The following SLC9B1 variants were observed in gnomAD, a reference collection of about 807,000 sequenced individuals.
SLC9B1 encodes the protein solute carrier family 9 member B1.
SLC9B1 carries 32 observed loss-of-function variants against 51.7 expected under a neutral mutation model. The observed-to-expected ratio is 0.62, with a 90% confidence interval of 0.47 to 0.83. The LOEUF is 0.83. SLC9B1 is among the 40% of genes least tolerant of loss of function. The pLI, the probability that SLC9B1 is intolerant of heterozygous loss-of-function variation, is 0.00. For missense variants in SLC9B1, 406 were observed against 613.2 expected, an observed-to-expected ratio of 0.66 and a Z score of 3.57; for synonymous variants, 145 against 212.7, an observed-to-expected ratio of 0.68 and a Z score of 2.77.
At chr4:102,909,003 G>C in intron 9 of SLC9B1, among the ~76,000 whole-genome samples, 2 of 152,266 alleles carry the variant, frequency 1.3e-5, no homozygotes, top group Non-Finnish European at 2.9e-5. Context: ...GAAACTACAA[G>C]AATTGGATGG....
intron 1 of SLC9B1, among the ~76,000 whole-genome samples, chr4:103,016,037 G>A (rs1487163191): frequency 6.7e-6 from 1 of 149,012 alleles, no homozygotes; most frequent in Non-Finnish European, 1.5e-5. Flanking sequence ...AGGAAGCTGA[G>A]GCAGGAGAAT....
intron 11 of SLC9B1, among the ~76,000 whole-genome samples, chr4:102,902,552 C>T (rs1413804532): frequency 6.6e-6 from 1 of 151,884 alleles, no homozygotes; most frequent in East Asian, 1.9e-4. Context: ...AAAACCAAAC[C>T]CATTGACTTT....
intron 11 of SLC9B1, among the ~76,000 whole-genome samples, chr4:102,893,637 CTG>C (rs1265523125): frequency 6.6e-6 from 1 of 151,994 alleles, no homozygotes; most frequent in East Asian, 1.9e-4. Flanking sequence ...TAAGACAAAA[CTG>C]TAGGCCAGGT....
rs117872124 is a variant in SLC9B1 at position 102,904,689 on chromosome 4, C to T, written c.1332+825G>A. 1.4e-3 allele frequency among the ~76,000 whole-genome samples: 206 copies of T among 151,058 alleles called. No homozygotes were observed. In the Middle Eastern group the frequency reaches 0.017, roughly 13 times the overall value. On this transcript the variant is annotated intron_variant, in intron 11 of 11. Transcript: ENST00000296422. ...CAAGACCTCTTCTCTACAAAAAAAT[C>T]AGAAAAAAAAGACCAGGCGCAGTGG...
intron 3 of SLC9B1, among the ~76,000 whole-genome samples, chr4:102,958,411 A>G (rs1183605481): frequency 6.6e-6 from 1 of 152,228 alleles, no homozygotes; most frequent in Non-Finnish European, 1.5e-5. Flanking sequence ...CTGTGAGGCA[A>G]TTAAACCACT....
chr4:102,893,281 C>CAAAA (rs58316456), intron 11 of SLC9B1, among the ~76,000 whole-genome samples: 924 of 35,146 alleles, frequency 0.026, 162 homozygotes, highest in Non-Finnish European at 0.033. Flanking sequence ...GACTCCATCT[C>CAAAA]AAAAAAAAAA....
At chr4:102,891,254 A>C (rs2110409847) in intron 11 of SLC9B1, 1 of 152,324 alleles carries the variant, frequency 6.6e-6, no homozygotes, top group East Asian at 1.9e-4. Context: ...CTTACTTCAC[A>C]TTGAATTCTA....
At chr4:102,978,588 G>T (rs897685472) in intron 3 of SLC9B1, among the ~76,000 whole-genome samples, 14 of 152,192 alleles carry the variant, frequency 9.2e-5, no homozygotes, top group Non-Finnish European at 1.8e-4. Flanking sequence ...GGCCATCAAA[G>T]AAATGCAAAT....
intron 3 of SLC9B1, among the ~76,000 whole-genome samples, chr4:102,973,930 C>T (rs999572437): frequency 6.6e-5 from 10 of 151,924 alleles, no homozygotes; most frequent in Non-Finnish European, 1.3e-4. Context: ...CGTCCACCTT[C>T]GGAAGTTTGG....
chr4:102,959,261 C>T (rs548121866), intron 3 of SLC9B1, among the ~76,000 whole-genome samples: 16 of 151,822 alleles, frequency 1.1e-4, no homozygotes, highest in Middle Eastern at 3.4e-3. Context: ...CACACACATA[C>T]GCAAATGGTA....
chr4:102,925,206 C>G (rs2110449623), intron 7 of SLC9B1, among the ~76,000 whole-genome samples: 1 of 152,220 alleles, frequency 6.6e-6, no homozygotes, highest in African/African-American at 2.4e-5. Context: ...ACATATACAC[C>G]ATGGAATACT....
intron 1 of SLC9B1, among the ~76,000 whole-genome samples, chr4:103,007,841 C>T (rs1404610525): frequency 1.3e-5 from 2 of 152,042 alleles, no homozygotes; most frequent in Non-Finnish European, 2.9e-5. Flanking sequence ...ATCCTCCTGC[C>T]TTGGCCTCCC....
chr4:102,959,128 T>TA (rs1245264581), intron 3 of SLC9B1, among the ~76,000 whole-genome samples: 1 of 151,968 alleles, frequency 6.6e-6, no homozygotes, highest in East Asian at 1.9e-4. Context: ...TACAGGACTT[T>TA]AAAAAAACAA....
At chr4:102,915,641 T>C (rs1457920417) in intron 7 of SLC9B1, among the ~76,000 whole-genome samples, 1 of 152,202 alleles carries the variant, frequency 6.6e-6, no homozygotes, top group Non-Finnish European at 1.5e-5. Context: ...TTTTGGCCTC[T>C]CAAAGTGCTG....
intron 1 of SLC9B1, among the ~76,000 whole-genome samples, chr4:102,998,462 G>C (rs1740341717): frequency 6.6e-6 from 1 of 152,058 alleles, no homozygotes; most frequent in African/African-American, 2.4e-5. Context: ...TGGCTATTGT[G>C]AATAATGCTG....
intron 3 of SLC9B1, among the ~76,000 whole-genome samples, chr4:102,954,521 G>C (rs1411625888): frequency 6.6e-6 from 1 of 150,966 alleles, no homozygotes; most frequent in African/African-American, 2.4e-5. Flanking sequence ...AAACAATAGA[G>C]CAGATTCTCA....
At chr4:102,903,914 G>C (rs1358422039) in intron 11 of SLC9B1, among the ~76,000 whole-genome samples, 1 of 152,126 alleles carries the variant, frequency 6.6e-6, no homozygotes. Flanking sequence ...GTCTATCAAG[G>C]GGGCAGGGGC....
At chr4:103,003,557 C>A (rs1740635526) in intron 1 of SLC9B1, among the ~76,000 whole-genome samples, 1 of 152,186 alleles carries the variant, frequency 6.6e-6, no homozygotes, top group African/African-American at 2.4e-5. Context: ...GATGCTGCTG[C>A]CCTACTTCCA....
intron 1 of SLC9B1, among the ~76,000 whole-genome samples, chr4:102,995,676 G>C (rs188240451): frequency 6.6e-6 from 1 of 152,132 alleles, no homozygotes; most frequent in African/African-American, 2.4e-5. Flanking sequence ...GGAATTGGTA[G>C]GTGGTATGCC....
Sources: allele counts gnomAD v4.1 joint callset (sites outside exome capture counted in the v4.1 genomes callset), GRCh38; gene constraint gnomAD v4.1.1; transcripts MANE v1.5; gene names NCBI Gene and HGNC (gene_info 2026-07-23, HGNC 2026-07-21).